The following TCERG1L variants were observed in gnomAD, a reference collection of about 807,000 sequenced individuals.
TCERG1L encodes transcription elongation regulator 1-like protein.
Under a neutral mutation model 56.3 loss-of-function variants are expected in TCERG1L, and 37 were observed. The ratio of observed to expected loss-of-function variants is 0.66; its 90% CI spans 0.51 to 0.87. TCERG1L has a LOEUF of 0.87. Ranked by LOEUF, TCERG1L falls within the 40% of genes least tolerant of loss-of-function variation. The pLI, the probability that TCERG1L is intolerant of heterozygous loss-of-function variation, is 0.00. For missense variants in TCERG1L, 799 were observed against 774.2 expected (o/e 1.03, Z -0.38); for synonymous variants, 324 against 326.3 (o/e 0.99, Z 0.08).
intron 3 of TCERG1L, among the ~76,000 whole-genome samples, chr10:131,290,609 C>G (rs1384403512): frequency 1.0e-5 from 1 of 95,418 alleles, no homozygotes; most frequent in Non-Finnish European, 1.9e-5. Context: ...CCAGCCTGGA[C>G]AAGAACAGTG....
At chr10:131,140,763 G>A (rs1362175846) in intron 7 of TCERG1L, among the ~76,000 whole-genome samples, 2 of 152,204 alleles carry the variant, frequency 1.3e-5, no homozygotes, top group African/African-American at 4.8e-5. Context: ...ACCAGGACGA[G>A]ATGGAGAGCC....
chr10:131,144,655 C>T (rs553789734), intron 7 of TCERG1L, among the ~76,000 whole-genome samples: 1 of 152,062 alleles, frequency 6.6e-6, no homozygotes, highest in African/African-American at 2.4e-5. Flanking sequence ...GATTAAAAAT[C>T]GTTTTATAAC....
chr10:131,134,943 C>G (rs998371107), intron 7 of TCERG1L, among the ~76,000 whole-genome samples: 1 of 152,188 alleles, frequency 6.6e-6, no homozygotes, highest in African/African-American at 2.4e-5. Flanking sequence ...TGTGGCCATG[C>G]CTCACTATGG....
intron 9 of TCERG1L, among the ~76,000 whole-genome samples, chr10:131,107,872 T>C (rs1337962995): frequency 1.3e-5 from 2 of 151,992 alleles, no homozygotes; most frequent in Non-Finnish European, 2.9e-5. Context: ...GGCACACATG[T>C]ACACATGCAC....
intron 8 of TCERG1L, among the ~76,000 whole-genome samples, chr10:131,132,301 G>A (rs544675971): frequency 2.0e-5 from 3 of 152,350 alleles, no homozygotes; most frequent in East Asian, 3.9e-4. Flanking sequence ...CTTCAAGGCT[G>A]GAACCAACAT....
At chr10:131,308,435 T>C (rs755963436) in intron 2 of TCERG1L, 44 bp from the exon 3 acceptor site, 1 of 1,527,344 alleles carries the variant, frequency 6.5e-7, no homozygotes, top group Non-Finnish European at 9.0e-7. Flanking sequence ...GCAAGGTGCA[T>C]GATAAAAGCT....
At chr10:131,106,520 T>G (rs1239599336) in intron 9 of TCERG1L, among the ~76,000 whole-genome samples, 1 of 152,138 alleles carries the variant, frequency 6.6e-6, no homozygotes, top group Non-Finnish European at 1.5e-5. Context: ...TGCAAGAGGT[T>G]GAACATGCCT....
At chr10:131,125,057 A>G (rs1354441215) in intron 8 of TCERG1L, among the ~76,000 whole-genome samples, 1 of 152,240 alleles carries the variant, frequency 6.6e-6, no homozygotes, top group African/African-American at 2.4e-5. Context: ...GACTTAATGC[A>G]TTTAAGGTAT....
intron 4 of TCERG1L, among the ~76,000 whole-genome samples, chr10:131,171,876 ATTTAT>A (rs924417580): frequency 2.6e-5 from 4 of 152,220 alleles, no homozygotes; most frequent in Non-Finnish European, 4.4e-5. Flanking sequence ...TGGCCCAGGA[ATTTAT>A]TTTAACATTC....
At chr10:131,120,755 G>T (rs1211626295) in intron 8 of TCERG1L, among the ~76,000 whole-genome samples, 1 of 152,210 alleles carries the variant, frequency 6.6e-6, no homozygotes, top group Non-Finnish European at 1.5e-5. Context: ...CCCCTGAGGT[G>T]GTCCTAGCAC....
In TCERG1L at chr10:131,116,649, A is replaced by G. The variant is rs185874672; in HGVS notation, c.1395+150T>C. On this transcript the variant is annotated intron_variant, in intron 9 of 11. Transcript: ENST00000368642. Reference sequence around the variant, plus strand: ...GACTCAGCCTGAACAGGAACTCAGTAAGGAGGACACATCATCTCTCAGGCC... The same window carrying G: ...GACTCAGCCTGAACAGGAACTCAGTGAGGAGGACACATCATCTCTCAGGCC... The G allele has an allele frequency of 3.7e-6, 4 of 1,078,562 alleles. No homozygotes were observed. In the African/African-American group the frequency reaches 4.7e-5, roughly 13 times the overall value. 66.8% of individuals were successfully genotyped at this position (1,078,562 alleles called of 1,614,324 possible). A position where few individuals can be genotyped will look rare whatever the true frequency, so the allele number is the denominator to read the frequency against.
At chr10:131,117,834 T>G (rs1845474665) in intron 8 of TCERG1L, among the ~76,000 whole-genome samples, 2 of 152,244 alleles carry the variant, frequency 1.3e-5, no homozygotes, top group Admixed American at 1.3e-4. Context: ...CACTGGATTC[T>G]AAGAAGCATC....
chr10:131,246,073 C>T (rs2918170), intron 4 of TCERG1L, among the ~76,000 whole-genome samples: 148,192 of 152,274 alleles, frequency 0.97, 72,232 homozygotes, highest in East Asian at 1. Context: ...GCTGGGTTCA[C>T]GAGAGCCACA....
intron 4 of TCERG1L, among the ~76,000 whole-genome samples, chr10:131,181,327 G>A (rs1845173704): frequency 6.6e-6 from 1 of 152,230 alleles, no homozygotes; most frequent in Non-Finnish European, 1.5e-5. Flanking sequence ...AGCAACACCA[G>A]GGGCCCGGGG....
At chr10:131,288,683 A>AGAG (rs1315549324) in intron 3 of TCERG1L, among the ~76,000 whole-genome samples, 2 of 152,206 alleles carry the variant, frequency 1.3e-5, no homozygotes, top group African/African-American at 4.8e-5. Flanking sequence ...GCTGGATGAG[A>AGAG]GAGGGCCTTA....
chr10:131,156,914 T>C (rs1016046707), intron 6 of TCERG1L, among the ~76,000 whole-genome samples: 1 of 152,152 alleles, frequency 6.6e-6, no homozygotes, highest in Non-Finnish European at 1.5e-5. Context: ...CCTTCCTTTT[T>C]TAACTCGGTG....
intron 6 of TCERG1L, among the ~76,000 whole-genome samples, chr10:131,153,093 G>A (rs999506704): frequency 3.3e-5 from 5 of 152,112 alleles, no homozygotes; most frequent in African/African-American, 1.2e-4. Context: ...AGGGGTCCTG[G>A]GCAGGCATCA....
intron 4 of TCERG1L, among the ~76,000 whole-genome samples, chr10:131,256,343 CA>C (rs753667358): frequency 6.8e-6 from 1 of 147,890 alleles, no homozygotes; most frequent in Non-Finnish European, 1.5e-5. Context: ...ACTGATAGAA[CA>C]AAAAAATAGT....
At chr10:131,120,192 C>T (rs1199930368) in intron 8 of TCERG1L, among the ~76,000 whole-genome samples, 3 of 152,012 alleles carry the variant, frequency 2.0e-5, no homozygotes, top group Non-Finnish European at 2.9e-5. Flanking sequence ...TGTGCGCATG[C>T]GTGCATCTGT....
Sources: allele counts gnomAD v4.1 joint callset (sites outside exome capture counted in the v4.1 genomes callset), GRCh38; gene constraint gnomAD v4.1.1; transcripts MANE v1.5; gene names NCBI Gene and HGNC (gene_info 2026-07-23, HGNC 2026-07-21).